The following EFNA5 variants were observed in gnomAD, a reference collection of about 807,000 sequenced individuals.
EFNA5 encodes ephrin-A5.
A neutral mutation model predicts 22.9 loss-of-function variants in EFNA5; 5 were observed. The observed-to-expected ratio is 0.22, with a 90% CI of 0.11 to 0.46. The LOEUF (loss-of-function observed/expected upper bound fraction) is 0.46. Ranked by LOEUF, EFNA5 falls within the 20% of genes least tolerant of loss-of-function variation. EFNA5 has a pLI of 0.99. For missense variants in EFNA5, 237 were observed against 293.3 expected, an observed-to-expected ratio of 0.81 and a Z score of 1.40; for synonymous variants, 113 against 112.2, an observed-to-expected ratio of 1.01 and a Z score of -0.04.
chr5:107,470,690 C>T (rs1047143787), intron 1 of EFNA5, among the ~76,000 whole-genome samples: 3 of 152,120 alleles, frequency 2.0e-5, no homozygotes, highest in Non-Finnish European at 2.9e-5. Flanking sequence ...TAAAGATTAA[C>T]ATTGCTGATA....
At chr5:107,642,341 C>T (rs1012775154) in intron 1 of EFNA5, among the ~76,000 whole-genome samples, 1 of 151,220 alleles carries the variant, frequency 6.6e-6, no homozygotes, top group Non-Finnish European at 1.5e-5. Context: ...GGGTTCTCAC[C>T]ACAAAAAATA....
chr5:107,472,166 C>T (rs1470826990), intron 1 of EFNA5, among the ~76,000 whole-genome samples: 1 of 152,016 alleles, frequency 6.6e-6, no homozygotes, highest in Non-Finnish European at 1.5e-5. Context: ...AAAGACAAAT[C>T]CATTCTCTAC....
intron 1 of EFNA5, among the ~76,000 whole-genome samples, chr5:107,572,668 G>A (rs1470291507): frequency 6.6e-6 from 1 of 152,056 alleles, no homozygotes; most frequent in Non-Finnish European, 1.5e-5. Context: ...TTCAAACAAC[G>A]GGATGGAATT....
At chr5:107,590,342 T>C (rs1205916605) in intron 1 of EFNA5, among the ~76,000 whole-genome samples, 4 of 152,078 alleles carry the variant, frequency 2.6e-5, no homozygotes, top group Non-Finnish European at 5.9e-5. Flanking sequence ...AGAGACAGAA[T>C]TTGTAGTTCT....
intron 1 of EFNA5, among the ~76,000 whole-genome samples, chr5:107,482,603 C>G (rs2112401309): frequency 6.6e-6 from 1 of 152,188 alleles, no homozygotes; most frequent in East Asian, 1.9e-4. Context: ...CTCTGAGCAG[C>G]ATCAGGAATT....
chr5:107,476,686 C>T (rs1189437236), intron 1 of EFNA5, among the ~76,000 whole-genome samples: 1 of 151,888 alleles, frequency 6.6e-6, no homozygotes, highest in Admixed American at 6.6e-5. Context: ...TACAGAAATG[C>T]TTTATTCTTA....
At chr5:107,441,619 GT>G (rs935657911) in intron 1 of EFNA5, among the ~76,000 whole-genome samples, 1 of 152,086 alleles carries the variant, frequency 6.6e-6, no homozygotes, top group African/African-American at 2.4e-5. Context: ...TTGTTTTTCT[GT>G]TTTAGTTTAA....
chr5:107,596,945 C>G (rs1749486122), intron 1 of EFNA5, among the ~76,000 whole-genome samples: 2 of 152,112 alleles, frequency 1.3e-5, no homozygotes, highest in African/African-American at 4.8e-5. Context: ...ATCAGGACCC[C>G]AGGACCCAAG....
intron 1 of EFNA5, among the ~76,000 whole-genome samples, chr5:107,445,106 TC>T (rs779961666): frequency 5.1e-4 from 78 of 152,278 alleles, no homozygotes; most frequent in South Asian, 4.1e-4. Context: ...CACTGCAACC[TC>T]CACCTCCTGA....
chr5:107,577,662 G>A (rs1748952310), intron 1 of EFNA5, among the ~76,000 whole-genome samples: 1 of 152,284 alleles, frequency 6.6e-6, no homozygotes, highest in Non-Finnish European at 1.5e-5. Context: ...GGGTCTTATT[G>A]TAAACTCTGG....
At position 107,381,318 on chromosome 5, in the gene EFNA5, T is replaced by C. The variant is rs1298816010; in HGVS notation, c.624A>G (p.Pro208=). The change falls in exon 5 of 5, where the codon CCA becomes CCG. Residue 208 remains proline (P), a synonymous_variant. Coordinates refer to ENST00000333274, the MANE Select transcript of EFNA5 (RefSeq NM_001962.3). ...TTGCCAAAAGGCGGCTGGGTATCCT[T>C]GGTGTTTGTGCCGCGTTCTCGCCGC... The part of the protein sequence containing the change: ...PSRGENAAQT[P]RIPSRLLAIL... 3 of 1,614,026 alleles carry C rather than the reference T, an allele frequency of 1.9e-6. No homozygotes were observed. The African/African-American group carries it at 4.0e-5, about 22-fold the overall frequency.
intron 1 of EFNA5, among the ~76,000 whole-genome samples, chr5:107,576,842 A>G (rs1748939365): frequency 6.6e-6 from 1 of 152,206 alleles, no homozygotes; most frequent in Non-Finnish European, 1.5e-5. Context: ...AAGTTGTACA[A>G]TACTAAGGTG....
intron 1 of EFNA5, among the ~76,000 whole-genome samples, chr5:107,636,302 C>T (rs774592380): frequency 4.7e-4 from 71 of 152,224 alleles, no homozygotes; most frequent in Non-Finnish European, 3.1e-4. Flanking sequence ...CCTCCCCACA[C>T]GCTGCATATG....
intron 1 of EFNA5, among the ~76,000 whole-genome samples, chr5:107,641,992 A>C (rs1186656657): frequency 2.6e-5 from 4 of 152,236 alleles, no homozygotes; most frequent in Non-Finnish European, 4.4e-5. Flanking sequence ...AAAAAAGGGC[A>C]GTATCTAAAA....
chr5:107,607,975 A>G (rs1329680347), intron 1 of EFNA5, among the ~76,000 whole-genome samples: 1 of 151,898 alleles, frequency 6.6e-6, no homozygotes, highest in Admixed American at 6.6e-5. Context: ...CAAGCGATCT[A>G]CTCTCCATCT....
At chr5:107,415,563 G>A (rs1748483002) in intron 2 of EFNA5, among the ~76,000 whole-genome samples, 1 of 152,148 alleles carries the variant, frequency 6.6e-6, no homozygotes. Context: ...GGGCTGCTGG[G>A]TGGGCTCCCT....
At chr5:107,424,386 T>TG in intron 2 of EFNA5, among the ~76,000 whole-genome samples, 1 of 150,726 alleles carries the variant, frequency 6.6e-6, no homozygotes, top group Non-Finnish European at 1.5e-5. Flanking sequence ...TTTGTATTTT[T>TG]TTTTTTTTTT....
intron 1 of EFNA5, among the ~76,000 whole-genome samples, chr5:107,540,701 T>C (rs163890): frequency 0.29 from 44,710 of 152,170 alleles, 9,731 homozygotes; most frequent in African/African-American, 0.61. Flanking sequence ...TTCAATATAC[T>C]TATACTTTAA....
At chr5:107,394,034 A>G (rs1302740009) in intron 2 of EFNA5, among the ~76,000 whole-genome samples, 1 of 152,256 alleles carries the variant, frequency 6.6e-6, no homozygotes, top group African/African-American at 2.4e-5. Context: ...CTAAAGCAAC[A>G]ATTTGCAACT....
Sources: allele counts gnomAD v4.1 joint callset (sites outside exome capture counted in the v4.1 genomes callset), GRCh38; gene constraint gnomAD v4.1.1; transcripts MANE v1.5; gene names NCBI Gene and HGNC (gene_info 2026-07-23, HGNC 2026-07-21).